Variants in NDST4 observed in about 807,000 individuals in gnomAD.
NDST4 encodes N-deacetylase and N-sulfotransferase 4, also known as N-heparan sulfate sulfotransferase 4.
In NDST4, 63 loss-of-function variants were observed where a neutral mutation model predicts 100.8. The observed-to-expected ratio is 0.62, with a 90% confidence interval of 0.51 to 0.77. The LOEUF (loss-of-function observed/expected upper bound fraction) is 0.77, where lower values mean the gene tolerates loss of function less well. Ranked by LOEUF, NDST4 falls within the 30% of genes least tolerant of loss-of-function variation. The pLI is 0.00. For missense variants in NDST4, 943 were observed against 1,018.4 expected (o/e 0.93, Z 1.01); for synonymous variants, 377 against 361.8 (o/e 1.04, Z -0.48).
At chr4:114,975,212 C>T (rs968039592) in intron 3 of NDST4, among the ~76,000 whole-genome samples, 2 of 152,000 alleles carry the variant, frequency 1.3e-5, no homozygotes, top group Admixed American at 1.3e-4. Context: ...ATTATGATGG[C>T]ACTCTTGAAA....
intron 2 of NDST4, among the ~76,000 whole-genome samples, chr4:115,015,283 T>C (rs1727650665): frequency 6.6e-6 from 1 of 152,108 alleles, no homozygotes; most frequent in Admixed American, 6.6e-5. Flanking sequence ...ATGCCAGGTT[T>C]ACAGATGGTT....
intron 6 of NDST4, among the ~76,000 whole-genome samples, chr4:114,896,495 C>G (rs935980913): frequency 7.3e-5 from 11 of 151,634 alleles, no homozygotes; most frequent in Admixed American, 2.0e-4. Context: ...GTGGTGTCGG[C>G]CGCCTGTAGT....
rs59805768 is a variant in NDST4 at position 115,057,702 on chromosome 4, GCACACACACACACACACA to G, written c.978+18339_978+18356del. Among the ~76,000 whole-genome samples the G allele has an allele frequency of 6.0e-3, 877 of 147,340 alleles. 8 individuals are homozygous for G. Among genetic ancestry groups the G allele is most frequent in the Middle Eastern group, 0.021 (6 of 282 alleles). On this transcript the variant is annotated intron_variant, in intron 2 of 13. Transcript: ENST00000264363. Reference sequence around the variant, plus strand: ...TTTCCACTTAGCTATGCGTGCGCACGCACACACACACACACACACACACACACACACAGACACACACAC... The same window carrying G: ...TTTCCACTTAGCTATGCGTGCGCACGCACACACACACACAGACACACACAC...
At chr4:114,937,177 G>T in intron 5 of NDST4, 141 bp downstream of exon 5, 1 of 874,262 alleles carries the variant, frequency 1.1e-6, no homozygotes, top group Non-Finnish European at 1.8e-6. Context: ...TGCATAACCA[G>T]TCACCATTGA....
chr4:115,088,271 C>T (rs568375223), intron 1 of NDST4, among the ~76,000 whole-genome samples: 1 of 151,616 alleles, frequency 6.6e-6, no homozygotes, highest in Non-Finnish European at 1.5e-5. Flanking sequence ...TCTCACTGTC[C>T]TTATCTGCCT....
intron 6 of NDST4, among the ~76,000 whole-genome samples, chr4:114,922,809 T>A (rs903007334): frequency 6.6e-6 from 1 of 152,210 alleles, no homozygotes; most frequent in African/African-American, 2.4e-5. Context: ...TGTTAATTTA[T>A]TCAACCTATT....
intron 6 of NDST4, among the ~76,000 whole-genome samples, chr4:114,903,098 T>C (rs1413327287): frequency 6.6e-6 from 1 of 152,102 alleles, no homozygotes; most frequent in Non-Finnish European, 1.5e-5. Flanking sequence ...TGATGATTGA[T>C]TTTGAAACTG....
At chr4:114,867,241 A>G (rs919228702) in intron 7 of NDST4, among the ~76,000 whole-genome samples, 2 of 152,170 alleles carry the variant, frequency 1.3e-5, no homozygotes, top group African/African-American at 4.8e-5. Flanking sequence ...TAGAATCTAC[A>G]GTGTGTATGC....
At chr4:115,039,076 C>T (rs949708048) in intron 2 of NDST4, among the ~76,000 whole-genome samples, 4 of 150,676 alleles carry the variant, frequency 2.7e-5, no homozygotes, top group Admixed American at 1.3e-4. Flanking sequence ...AACTGAAAAT[C>T]GTGGACTATA....
rs1377176991 is a variant in NDST4, at chr4:115,076,381, T to C, written c.656A>G (p.Asp219Gly). The C allele has an allele frequency of 6.2e-6, 10 of 1,613,970 alleles. No individual in the cohort carries two copies. The highest frequency in any genetic ancestry group is 8.5e-6 in the Non-Finnish European group (10 of 1,179,966). ...KVEKGPLPGE[D>G]WTIFQYNHST... ...ATGATTATATTGGAAAATAGTCCAG[T>C]CTTCCCCAGGAAGAGGGCCTTTCTC... The change falls in exon 2 of 14, where the codon GAC becomes GGC. Residue 219 changes from aspartate (D) to glycine (G), a missense_variant. Physicochemically the swap from Asp to Gly is moderately conservative, Grantham distance 94. This residue lies in a region of NDST4 where 417 missense variants were observed against 384.2 expected (regional missense o/e 1.09). Coordinates refer to ENST00000264363, the MANE Select transcript of NDST4 (RefSeq NM_022569.3).
chr4:114,832,797 T>A (rs1342826141), intron 12 of NDST4, among the ~76,000 whole-genome samples: 2 of 152,230 alleles, frequency 1.3e-5, no homozygotes, highest in African/African-American at 4.8e-5. Context: ...CTTGACTTAT[T>A]GCTCCCTCTT....
intron 6 of NDST4, among the ~76,000 whole-genome samples, chr4:114,896,345 C>T (rs1370645342): frequency 2.0e-5 from 3 of 151,882 alleles, no homozygotes; most frequent in African/African-American, 2.4e-5. Context: ...GCTTTTGGGC[C>T]GGGCACGGTG....
At chr4:114,866,420 A>T (rs948172298) in intron 7 of NDST4, among the ~76,000 whole-genome samples, 1 of 152,244 alleles carries the variant, frequency 6.6e-6, no homozygotes, top group African/African-American at 2.4e-5. Flanking sequence ...AATTCAAATT[A>T]CAGTGGCAGC....
chr4:114,834,621 G>A (rs1723273110), intron 11 of NDST4, among the ~76,000 whole-genome samples: 1 of 151,924 alleles, frequency 6.6e-6, no homozygotes, highest in Non-Finnish European at 1.5e-5. Context: ...TTAAAGTTAT[G>A]CTTTTTTTGT....
In NDST4 at chr4:114,937,488, T is replaced by C. The variant is rs1207493646; in HGVS notation, c.1237A>G (p.Ile413Val). ...KEFALEHGIP[I>V]NMGYAVAPHH... ...GGGGCCACAGCATAGCCCATGTTGA[T>C]TGGTATTCCATGTTCCTAAAACAAA... Residue 413 changes from isoleucine (I) to valine (V), a missense_variant, in exon 5 of 14, where the codon ATC becomes GTC. Ile to Val is a conservative substitution (Grantham distance 29). Around this residue, in one of 2 missense-constraint regions of NDST4, gnomAD observed 526 missense variants for 634.1 expected, o/e 0.83. Transcript: ENST00000264363. The C allele has an allele frequency of 3.8e-6, 6 of 1,575,382 alleles. No individual in the cohort carries two copies. Among genetic ancestry groups the C allele is most frequent in the South Asian group, 2.4e-5 (2 of 84,844 alleles).
intron 2 of NDST4, among the ~76,000 whole-genome samples, chr4:115,000,848 G>T (rs961959666): frequency 2.0e-5 from 3 of 152,088 alleles, no homozygotes; most frequent in African/African-American, 7.2e-5. Flanking sequence ...ATTTCTTACA[G>T]TACTGGAGGC....
In NDST4 at chr4:115,034,522, C is replaced by A. The variant is rs527602384; in HGVS notation, c.978+41537G>T. ...TAAACATTTACAACAATTTGAGTCA[C>A]ATTTGAAGTGCCTGTTATAACATTA... On this transcript the variant is annotated intron_variant, in intron 2 of 13. Transcript: ENST00000264363. 2.6e-5 allele frequency among the ~76,000 whole-genome samples: 4 copies of A among 152,124 alleles called. No homozygotes were observed. The East Asian group carries it at 7.7e-4, about 29-fold the overall frequency.
chr4:114,870,041 T>G (rs954835578), intron 7 of NDST4, among the ~76,000 whole-genome samples: 1 of 152,146 alleles, frequency 6.6e-6, no homozygotes, highest in Non-Finnish European at 1.5e-5. Context: ...ATCTGCTCTC[T>G]GCAGCCAGCC....
chr4:115,081,997 A>T (rs1400629356), intron 1 of NDST4, among the ~76,000 whole-genome samples: 1 of 151,926 alleles, frequency 6.6e-6, no homozygotes, highest in Non-Finnish European at 1.5e-5. Flanking sequence ...TTCGTTAAAA[A>T]TTTGGAAGGA....
Sources: allele counts gnomAD v4.1 joint callset (sites outside exome capture counted in the v4.1 genomes callset), GRCh38; gene constraint gnomAD v4.1.1; regional missense constraint gnomAD v4.1.1; transcripts MANE v1.5; gene names NCBI Gene and HGNC (gene_info 2026-07-23, HGNC 2026-07-21).